The following LTBR variants were observed in gnomAD, a reference collection of about 807,000 sequenced individuals.
LTBR encodes tumor necrosis factor receptor superfamily member 3.
In LTBR, 15 loss-of-function variants were observed where a neutral mutation model predicts 45.4. The observed-to-expected ratio is 0.33, with a 90% CI of 0.22 to 0.51. The LOEUF is 0.51. LTBR is among the 20% of genes least tolerant of loss of function. The pLI, the probability that LTBR is intolerant of heterozygous loss-of-function variation, is 0.97. For synonymous variants in LTBR, 228 were observed against 231.0 expected (o/e 0.99, Z 0.12); for missense variants, 450 against 565.5 (o/e 0.80, Z 2.07).
At chr12:6,377,346 A>C in intron 1 of LTBR, 1 of 1,309,960 alleles carries the variant, frequency 7.6e-7, no homozygotes, top group Non-Finnish European at 1.1e-6. Flanking sequence ...AGGATAAATC[A>C]GTTTTCTGAG....
chr12:6,378,254 T>C (rs1948940872), intron 1 of LTBR, among the ~76,000 whole-genome samples: 1 of 152,128 alleles, frequency 6.6e-6, no homozygotes, highest in Non-Finnish European at 1.5e-5. Flanking sequence ...GACCATGCTA[T>C]AGGTATGTTT....
intron 8 of LTBR, chr12:6,389,837 C>A: frequency 2.6e-6 from 1 of 383,530 alleles, no homozygotes; most frequent in Non-Finnish European, 4.7e-6. Context: ...GCCAGACAGT[C>A]CCAGCTACTC....
At position 6,384,249 on chromosome 12, in the gene LTBR, CGTCCCA is replaced by C. The variant is rs1352030733; in HGVS notation, c.-108_-103del. ...TGGGGTGCACATCGGCCCTGAGTCC[CGTCCCA>C]GGCTCTGGGCTCGGGCAGCCGCCGC... On this transcript the variant is annotated 5_prime_UTR_variant, in exon 1 of 10. Coordinates refer to ENST00000228918, the MANE Select transcript of LTBR (RefSeq NM_002342.3). The C allele has an allele frequency of 4.6e-5, 65 of 1,404,276 alleles. No homozygotes were observed. In the East Asian group the frequency reaches 1.8e-3, roughly 38 times the overall value. The allele number at this position is 1,404,276 out of a possible 1,614,324, so 87.0% of individuals were successfully genotyped here. A position where few individuals can be genotyped will look rare whatever the true frequency, so the allele number is the denominator to read the frequency against.
upstream of LTBR, among the ~76,000 whole-genome samples, chr12:6,379,745 A>G (rs1438457271): frequency 1.3e-5 from 2 of 149,504 alleles, no homozygotes; most frequent in African/African-American, 2.5e-5. Flanking sequence ...CCTGGCTAAC[A>G]TGGTGAAACC....
chr12:6,375,578 T>C lies in LTBR; in HGVS notation c.23T>C (p.Leu8Ser), dbSNP rs1444167713. 2.0e-6 allele frequency: 3 copies of C among 1,473,660 alleles called. No individual in the cohort carries two copies. In the Admixed American group the frequency reaches 6.1e-5, roughly 30 times the overall value. 91.3% of individuals were successfully genotyped at this position (1,473,660 alleles called of 1,614,324 possible). A position where few individuals can be genotyped will look rare whatever the true frequency, so the allele number is the denominator to read the frequency against. The stretch of plus-strand genomic sequence containing the variant: ...GGGATGGAAGCGACAGGAATCTCAT[T>C]AGCATCTCAATTAAAGGTGAGCAGG... The change falls in exon 1 of 10, where the codon TTA becomes TCA. Residue 8 changes from leucine to serine, a missense_variant. Leu to Ser is a moderately radical substitution (Grantham distance 145). Transcript: ENST00000539925.
rs1406798508 is a variant in LTBR at position 6,375,664 on chromosome 12, C to T, written c.39+70C>T. 1.5e-5 allele frequency: 22 copies of T among 1,469,448 alleles called. No homozygotes were observed. The Admixed American group carries it at 3.2e-4, about 22-fold the overall frequency. 91.0% of individuals were successfully genotyped at this position (1,469,448 alleles called of 1,614,324 possible). A position where few individuals can be genotyped will look rare whatever the true frequency, so the allele number is the denominator to read the frequency against. ...AGTTTTCCGAAGGAAGGAGGGCTCC[C>T]GAGGGCAGGTGAACTGGGAGTACTG... On this transcript the variant is annotated intron_variant, in intron 1 of 9. Coordinates refer to the LTBR transcript ENST00000539925.
At chr12:6,376,690 G>A (rs780122221) in intron 1 of LTBR, among the ~76,000 whole-genome samples, 11 of 152,178 alleles carry the variant, frequency 7.2e-5, no homozygotes, top group Non-Finnish European at 1.3e-4. Context: ...CAGAGAATCA[G>A]ACCCAAAAAG....
rs1592103421 is a variant in LTBR at position 6,391,034 on chromosome 12, C to G, written c.*97C>G. The G allele has an allele frequency of 5.4e-6, 7 of 1,296,542 alleles. No homozygotes were observed. The highest frequency in any genetic ancestry group is 5.2e-5 in the East Asian group (2 of 38,658). 80.3% of individuals were successfully genotyped at this position (1,296,542 alleles called of 1,614,324 possible). On this transcript the variant is annotated 3_prime_UTR_variant, in exon 10 of 10. Transcript: ENST00000228918. ...GGGATTCACAGGGGCCTGAGTAGGGCCCGGGGAAGCAGAGCCCTAAGGGAT... is the reference window on the plus strand; with the variant it reads ...GGGATTCACAGGGGCCTGAGTAGGGGCCGGGGAAGCAGAGCCCTAAGGGAT...
upstream of LTBR, among the ~76,000 whole-genome samples, chr12:6,381,062 G>A (rs1948979158): frequency 6.6e-6 from 1 of 152,090 alleles, no homozygotes. Context: ...GATCCAGCTG[G>A]GAAACAAGAA....
chr12:6,384,154 C>T (rs1336447333), upstream of LTBR: 2 of 1,275,834 alleles, frequency 1.6e-6, no homozygotes, highest in Admixed American at 4.1e-5. Flanking sequence ...CCGCGGCCAG[C>T]TCGCTCCACT....
Position 6,386,172 on chromosome 12 carries a change from GC to G in LTBR, c.569+14del. The G allele has an allele frequency of 6.2e-7, 1 of 1,607,828 alleles. No individual in the cohort carries two copies. The highest frequency in any genetic ancestry group is 8.5e-7 in the Non-Finnish European group (1 of 1,174,712). On this transcript the variant is annotated intron_variant, in intron 5 of 9. Transcript: ENST00000228918. The surrounding 1 kb of genome is among the most constrained non-coding windows in gnomAD (Gnocchi z 4.1). The stretch of plus-strand genomic sequence containing the variant: ...GCCAGCCCCACACCAGGTGAGTGCA[GC>G]CCCACCCAAGCTCCTTCCACCCTCT...
intron 4 of LTBR, 190 bp from the exon 5 acceptor site, chr12:6,385,876 G>A (rs1329503917): frequency 8.1e-6 from 4 of 493,210 alleles, no homozygotes; most frequent in East Asian, 3.6e-5. Context: ...CTGCACTCCA[G>A]CCTGGGCGAC....
intron 1 of LTBR, chr12:6,377,675 T>C: frequency 7.7e-7 from 1 of 1,299,856 alleles, no homozygotes. Context: ...ACATTGGGCA[T>C]GGTCCTCCCT....
At chr12:6,377,757 T>C in intron 1 of LTBR, 2 of 989,440 alleles carry the variant, frequency 2.0e-6, no homozygotes, top group Non-Finnish European at 2.8e-6. Context: ...CCTTTTCTAT[T>C]TGCCAGCTCA....
At position 6,375,905 on chromosome 12, in the gene LTBR, G is replaced by A. The variant is rs560989718; in HGVS notation, c.39+311G>A. The A allele has an allele frequency of 7.4e-6, 9 of 1,211,728 alleles. No homozygotes were observed. In the Admixed American group the frequency reaches 2.9e-4, roughly 39 times the overall value. The allele number at this position is 1,211,728 out of a possible 1,614,324, so 75.1% of individuals were successfully genotyped here. A position where few individuals can be genotyped will look rare whatever the true frequency, so the allele number is the denominator to read the frequency against. The stretch of plus-strand genomic sequence containing the variant: ...AGGGCAGAAAGAGGGAGACAATAGA[G>A]AGGGACAGCGAAGGACAGAGAGATA... On this transcript the variant is annotated intron_variant, in intron 1 of 9. Transcript: ENST00000539925.
chr12:6,386,471 G>GTA lies in LTBR; in HGVS notation c.667+27_667+28insTA, dbSNP rs1555117369. The GTA allele has an allele frequency of 7.6e-6, 12 of 1,570,946 alleles. 1 individual carries two copies. The South Asian group carries it at 1.3e-4, about 17-fold the overall frequency. On this transcript the variant is annotated intron_variant, in intron 6 of 9. Transcript: ENST00000228918. This position sits in a 1 kb window ranked among gnomAD's most constrained non-coding sequence, Gnocchi z 4.1. The stretch of plus-strand genomic sequence containing the variant: ...TGAGGGACCAGGGCTGAGGGACACG[G>GTA]GGGGGGCGCCTCTGAAAATGCCTTA...
chr12:6,384,647 G>A lies in LTBR; in HGVS notation c.156G>A (p.Glu52=), dbSNP rs11555387. 992 of 1,614,230 alleles carry A rather than the reference G, an allele frequency of 6.1e-4. 8 individuals are homozygous for A. The East Asian group carries it at 0.019, about 31-fold the overall frequency. Residue 52 remains glutamate (E), a synonymous_variant, in exon 2 of 10, where the codon GAG becomes GAA. Transcript: ENST00000228918. ...TCRDQEKEYY[E]PQHRICCSRC... ...GGGACCAGGAAAAGGAATACTATGAGCCCCAGCACCGCATCTGCTGCTCCC... is the reference window on the plus strand; with the variant it reads ...GGGACCAGGAAAAGGAATACTATGAACCCCAGCACCGCATCTGCTGCTCCC...
At position 6,386,087 on chromosome 12, in the gene LTBR, A is replaced by C; in HGVS notation, c.494A>C (p.Asn165Thr). Reference protein sequence around the residue: ...ELKDEVGKGNNHCVPCKAGHF... With the variant: ...ELKDEVGKGNTHCVPCKAGHF... ...CCAGATGAAGTTGGGAAGGGTAACA[A>C]CCACTGCGTCCCCTGCAAGGCCGGG... Residue 165 changes from asparagine to threonine, a missense_variant, in exon 5 of 10, where the codon AAC (asparagine) becomes ACC (threonine). By Grantham distance (65) the Asn-to-Thr change is moderately conservative (BLOSUM62 0). Around this residue, in one of 3 missense-constraint regions of LTBR, gnomAD observed 367 missense variants for 435.4 expected, o/e 0.84. Coordinates refer to ENST00000228918, the MANE Select transcript of LTBR (RefSeq NM_002342.3). This position sits in a 1 kb window ranked among gnomAD's most constrained non-coding sequence, Gnocchi z 4.1. 1 of 1,613,678 alleles carries C rather than the reference A, an allele frequency of 6.2e-7. No individual in the cohort carries two copies. Among genetic ancestry groups the C allele is most frequent in the Non-Finnish European group, 8.5e-7 (1 of 1,179,824 alleles).
At chr12:6,375,502 C>T (rs943417852) in exon 1 of LTBR, 1 of 1,535,510 alleles carries the variant, frequency 6.5e-7, no homozygotes, top group Non-Finnish European at 8.7e-7. Context: ...TCCTCCCCCT[C>T]ACCTGACAGG....
Sources: gnomAD v4.1 joint callset for allele counts (sites outside exome capture counted in the v4.1 genomes callset) on GRCh38, gnomAD v4.1.1 for gene constraint, gnomAD v4.1.1 regional missense constraint, Gnocchi (gnomAD v3.1) non-coding constraint, MANE v1.5 for transcripts, NCBI Gene and HGNC (gene_info 2026-07-23, HGNC 2026-07-21) for gene names.